FLNB: variants seen among roughly 807,000 people sequenced by gnomAD.
FLNB encodes filamin-B.
Under a neutral mutation model 250.6 loss-of-function variants are expected in FLNB, and 111 were observed. The ratio of observed to expected loss-of-function variants is 0.44; its 90% CI spans 0.38 to 0.52. FLNB has a LOEUF of 0.52. Ranked by LOEUF, FLNB falls within the 20% of genes least tolerant of loss-of-function variation. The probability of loss-of-function intolerance (pLI) is 0.00; values close to 1 mark genes in which losing one functional copy is unlikely to be tolerated. For synonymous variants in FLNB, 1,302 were observed against 1,372.1 expected (o/e 0.95, Z 1.13); for missense variants, 2,869 against 3,447.8 (o/e 0.83, Z 4.20).
At chr3:58,030,735 G>A (rs573301055) in intron 1 of FLNB, among the ~76,000 whole-genome samples, 4 of 152,202 alleles carry the variant, frequency 2.6e-5, no homozygotes, top group South Asian at 4.1e-4. Flanking sequence ...TTAGCTAGGC[G>A]TGGTAGCAGG....
chr3:58,106,352 CTATATATATATATATA>C (rs10540627), intron 11 of FLNB, among the ~76,000 whole-genome samples: 2 of 132,988 alleles, frequency 1.5e-5, no homozygotes, highest in Admixed American at 1.5e-4. Context: ...GTATTTAATA[CTATATATATATATATA>C]TATATATATC....
intron 1 of FLNB, among the ~76,000 whole-genome samples, chr3:58,029,724 C>T (rs1161315397): frequency 1.3e-5 from 2 of 151,916 alleles, no homozygotes; most frequent in African/African-American, 2.4e-5. Flanking sequence ...AGGCTGGTCT[C>T]GAACTACTGA....
chr3:58,127,146 A>G (rs1381775962), intron 24 of FLNB, among the ~76,000 whole-genome samples: 1 of 152,128 alleles, frequency 6.6e-6, no homozygotes, highest in Non-Finnish European at 1.5e-5. Context: ...AACATGGGGA[A>G]TCCCCATCTT....
intron 39 of FLNB, chr3:58,154,542 C>A (rs1365773731): frequency 5.9e-5 from 25 of 420,954 alleles, no homozygotes; most frequent in Non-Finnish European, 9.5e-5. Context: ...AAGACTCCGT[C>A]TCAAAAAAAA....
intron 23 of FLNB, among the ~76,000 whole-genome samples, chr3:58,126,336 C>T (rs368157239): frequency 2.3e-4 from 35 of 152,186 alleles, no homozygotes; most frequent in Admixed American, 7.2e-4. Flanking sequence ...GCCGAGACCG[C>T]GCCACTGCAC....
intron 23 of FLNB, among the ~76,000 whole-genome samples, chr3:58,126,147 C>T (rs914050925): frequency 4.6e-5 from 7 of 152,138 alleles, no homozygotes; most frequent in African/African-American, 1.4e-4. Context: ...GTGGCCGAGA[C>T]GGGACAATTG....
Position 58,105,096 on chromosome 3 carries a change from G to T in FLNB, c.1627G>T (p.Val543Phe). 1 of 1,614,232 alleles carries T rather than the reference G, an allele frequency of 6.2e-7. No homozygotes were observed. The highest frequency in any genetic ancestry group is 8.5e-7 in the Non-Finnish European group (1 of 1,180,050). The change falls in exon 11 of 46, where the codon GTT becomes TTT. Residue 543 changes from valine to phenylalanine, a missense_variant. Coordinates refer to ENST00000295956, the MANE Select transcript of FLNB (RefSeq NM_001457.4). ...HIPKSPFEVQ[V>F]GPEAGMQKVR... is the part of the protein sequence containing the mutation. The stretch of plus-strand genomic sequence containing the variant: ...TCCCTGTAGCCCCTTTGAAGTTCAA[G>T]TTGGCCCTGAAGCGGGTATGCAGAA...
Position 58,132,809 on chromosome 3 carries a change from C to T in FLNB, c.4392C>T (p.Gly1464=), listed in dbSNP as rs780788181. The T allele has an allele frequency of 6.2e-7, 1 of 1,614,138 alleles. No homozygotes were observed. Among genetic ancestry groups the T allele is most frequent in the Non-Finnish European group, 8.5e-7 (1 of 1,180,026 alleles). ...PLEVRVLGPR[G]LVEPVNVVDN... is the part of the protein sequence containing the mutation. The stretch of plus-strand genomic sequence containing the variant: ...TAAACCTCTCATCTCTGTCCTCAGG[C>T]TTGGTGGAGCCAGTGAACGTGGTGG... The change falls in exon 26 of 46, where the codon GGC becomes GGT. Residue 1464 remains glycine, a splice_region_variant and synonymous_variant. Transcript: ENST00000295956.
chr3:58,156,218 C>A lies in FLNB; in HGVS notation c.6888+143C>A. 3 of 682,308 alleles carry A rather than the reference C, an allele frequency of 4.4e-6. No individual in the cohort carries two copies. In the South Asian group the frequency reaches 5.0e-5, roughly 11 times the overall value. The allele number at this position is 682,308 out of a possible 1,614,324, so 42.3% of individuals were successfully genotyped here. On this transcript the variant is annotated intron_variant, in intron 41 of 45. Coordinates refer to ENST00000295956, the MANE Select transcript of FLNB (RefSeq NM_001457.4). Reference sequence around the variant, plus strand: ...CAGATGTCACCCAGTCACTGGGGAGCTTTCCTGTGGCAGAGTCAACTCCCC... The same window carrying A: ...CAGATGTCACCCAGTCACTGGGGAGATTTCCTGTGGCAGAGTCAACTCCCC...
At chr3:58,134,138 C>T (rs944995668) in intron 26 of FLNB, among the ~76,000 whole-genome samples, 2 of 152,288 alleles carry the variant, frequency 1.3e-5, no homozygotes, top group Middle Eastern at 3.4e-3. Flanking sequence ...GGAATTGGGC[C>T]GCACGGTGGT....
At position 58,150,019 on chromosome 3, in the gene FLNB, C is replaced by T; in HGVS notation, c.6244+17C>T. The T allele has an allele frequency of 3.1e-6, 5 of 1,614,264 alleles. No individual in the cohort carries two copies. Among genetic ancestry groups the T allele is most frequent in the Non-Finnish European group, 4.2e-6 (5 of 1,180,044 alleles). ...ACGTGCCTGGTATGTGCATTCCATT[C>T]CCCTCCAGGTGGGATGCTTGGGTTT... On this transcript the variant is annotated intron_variant, in intron 37 of 45. Coordinates refer to ENST00000295956, the MANE Select transcript of FLNB (RefSeq NM_001457.4).
At chr3:58,012,724 T>C (rs769217802) in intron 1 of FLNB, among the ~76,000 whole-genome samples, 13 of 152,220 alleles carry the variant, frequency 8.5e-5, no homozygotes, top group Non-Finnish European at 1.5e-4. Context: ...TTCCTCATTG[T>C]GTTTTGGTTG....
chr3:58,015,806 A>G (rs2097104958), intron 1 of FLNB, among the ~76,000 whole-genome samples: 1 of 152,174 alleles, frequency 6.6e-6, no homozygotes, highest in Non-Finnish European at 1.5e-5. Context: ...GAAAAGGAGG[A>G]GCACCTGCCC....
intron 1 of FLNB, among the ~76,000 whole-genome samples, chr3:58,024,701 CTTTTTTTTTTT>C (rs1174805764): frequency 2.4e-5 from 2 of 83,766 alleles, no homozygotes; most frequent in African/African-American, 4.5e-5. Context: ...GCCAAGCCTC[CTTTTTTTTTTT>C]TTTTTTTTTT....
intron 4 of FLNB, among the ~76,000 whole-genome samples, chr3:58,083,739 G>A (rs909219435): frequency 6.6e-6 from 1 of 152,086 alleles, no homozygotes; most frequent in Non-Finnish European, 1.5e-5. Flanking sequence ...GATTTAGACC[G>A]GCAGATAGTT....
chr3:58,025,034 AG>A (rs2097121257), intron 1 of FLNB, among the ~76,000 whole-genome samples: 1 of 127,944 alleles, frequency 7.8e-6, no homozygotes, highest in Non-Finnish European at 1.7e-5. Context: ...TTTTTTTTTA[AG>A]TAGCTCCATT....
chr3:58,023,759 A>G (rs1378449368), intron 1 of FLNB, among the ~76,000 whole-genome samples: 1 of 152,208 alleles, frequency 6.6e-6, no homozygotes. Flanking sequence ...TGGTCTAGAA[A>G]TATGTTTGGT....
intron 1 of FLNB, among the ~76,000 whole-genome samples, chr3:58,012,886 T>C (rs986805185): frequency 2.0e-5 from 3 of 152,328 alleles, no homozygotes; most frequent in South Asian, 2.1e-4. Flanking sequence ...AGCTCTGAGA[T>C]AGGTGGTGTT....
chr3:58,053,155 T>C (rs2097165147), intron 1 of FLNB, among the ~76,000 whole-genome samples: 1 of 152,224 alleles, frequency 6.6e-6, no homozygotes, highest in African/African-American at 2.4e-5. Context: ...ATTTGAACTT[T>C]AGACTTCCCA....
Sources: gnomAD v4.1 joint callset for allele counts (sites outside exome capture counted in the v4.1 genomes callset) on GRCh38, gnomAD v4.1.1 for gene constraint, MANE v1.5 for transcripts, NCBI Gene and HGNC (gene_info 2026-07-23, HGNC 2026-07-21) for gene names.